RALYL: variants seen among roughly 807,000 people sequenced by gnomAD.
RALYL encodes the protein RALY RNA binding protein like, also known as RNA-binding Raly-like protein.
Under a neutral mutation model 35.1 loss-of-function variants are expected in RALYL, and 29 were observed. The ratio of observed to expected loss-of-function variants is 0.83; its 90% CI spans 0.61 to 1.13. RALYL has a LOEUF of 1.13. RALYL is among the 50% of genes most tolerant of loss of function. The pLI is 0.00. For missense variants in RALYL, 359 were observed against 360.4 expected (o/e 1.00, Z 0.03); for synonymous variants, 120 against 127.6 (o/e 0.94, Z 0.40).
At chr8:84,252,632 C>T (rs1415032532) in intron 1 of RALYL, among the ~76,000 whole-genome samples, 2 of 152,068 alleles carry the variant, frequency 1.3e-5, no homozygotes, top group Admixed American at 6.6e-5. Context: ...ACATTGCTTG[C>T]GTGATCTTTA....
chr8:84,751,343 G>T (rs753163922), intron 2 of RALYL, among the ~76,000 whole-genome samples: 10 of 152,054 alleles, frequency 6.6e-5, no homozygotes, highest in Non-Finnish European at 1.2e-4. Flanking sequence ...AAGTAGCTGG[G>T]ATTATATGCA....
intron 1 of RALYL, among the ~76,000 whole-genome samples, chr8:84,334,568 T>G (rs997671912): frequency 2.0e-5 from 3 of 151,630 alleles, no homozygotes; most frequent in Non-Finnish European, 2.9e-5. Flanking sequence ...TAACTTAACA[T>G]TTAATATTAT....
chr8:84,688,850 T>C (rs1040262444), intron 2 of RALYL, among the ~76,000 whole-genome samples: 14 of 151,964 alleles, frequency 9.2e-5, no homozygotes, highest in African/African-American at 3.4e-4. Context: ...ATATCTAAAA[T>C]ACGTAAGAAA....
At chr8:84,597,160 T>TTTTCTAA (rs1260017143) in intron 2 of RALYL, among the ~76,000 whole-genome samples, 1 of 152,144 alleles carries the variant, frequency 6.6e-6, no homozygotes, top group Admixed American at 6.5e-5. Flanking sequence ...AGGCAGAAGT[T>TTTTCTAA]TTTCTAAAGT....
At chr8:84,338,973 A>G (rs1848302758) in intron 1 of RALYL, among the ~76,000 whole-genome samples, 1 of 152,122 alleles carries the variant, frequency 6.6e-6, no homozygotes, top group African/African-American at 2.4e-5. Flanking sequence ...TTATAAAGGC[A>G]TAAATAAGTT....
chr8:84,831,676 G>A (rs1245073868), intron 4 of RALYL, among the ~76,000 whole-genome samples: 1 of 152,084 alleles, frequency 6.6e-6, no homozygotes, highest in Non-Finnish European at 1.5e-5. Flanking sequence ...GTAAAATAGT[G>A]ATGAGATTTT....
At position 84,679,752 on chromosome 8, in the gene RALYL, T is replaced by C. The variant is rs149752708; in HGVS notation, c.257-94827T>C. ...TGCTGATGGCCACTAACAGACCTGA[T>C]ACTTTGGATTCAGCACTGATGAAGC... is the stretch of plus-strand genomic sequence containing the variant. On this transcript the variant is annotated intron_variant, in intron 2 of 8. Coordinates refer to ENST00000521268, the MANE Select transcript of RALYL (RefSeq NM_173848.7). The C allele has an allele frequency of 4.5e-3, 2,347 of 522,690 alleles. 17 individuals carry two copies. The highest frequency in any genetic ancestry group is 6.4e-3 in the Non-Finnish European group (1,650 of 257,980). 32.4% of individuals were successfully genotyped at this position (522,690 alleles called of 1,614,324 possible). A position where few individuals can be genotyped will look rare whatever the true frequency, so the allele number is the denominator to read the frequency against.
intron 2 of RALYL, among the ~76,000 whole-genome samples, chr8:84,554,956 T>TA (rs2060992940): frequency 6.6e-6 from 1 of 152,088 alleles, no homozygotes; most frequent in African/African-American, 2.4e-5. Context: ...ACTCTTTTTT[T>TA]ACCTTTATAT....
intron 1 of RALYL, among the ~76,000 whole-genome samples, chr8:84,447,164 G>A (rs1337592608): frequency 1.3e-5 from 2 of 151,820 alleles, no homozygotes; most frequent in East Asian, 2.0e-4. Context: ...TAACATATCC[G>A]GGACTGTTTT....
chr8:84,555,052 G>A (rs998679042), intron 2 of RALYL, among the ~76,000 whole-genome samples: 7 of 152,040 alleles, frequency 4.6e-5, no homozygotes, highest in South Asian at 2.1e-4. Flanking sequence ...AGGCTAAGGC[G>A]GGCAGATCAC....
chr8:84,747,652 CAAAT>C (rs1808931779), intron 2 of RALYL, among the ~76,000 whole-genome samples: 1 of 151,806 alleles, frequency 6.6e-6, no homozygotes, highest in South Asian at 2.1e-4. Context: ...TCAGATAACT[CAAAT>C]AAACTAAAGC....
intron 2 of RALYL, among the ~76,000 whole-genome samples, chr8:84,729,823 G>C: frequency 6.6e-6 from 1 of 152,058 alleles, no homozygotes; most frequent in Non-Finnish European, 1.5e-5. Context: ...ACTCTCCCAA[G>C]ACTAAACCAG....
At chr8:84,641,247 A>T (rs929316086) in intron 2 of RALYL, among the ~76,000 whole-genome samples, 2 of 151,636 alleles carry the variant, frequency 1.3e-5, no homozygotes, top group African/African-American at 2.4e-5. Flanking sequence ...ATAACCTCCA[A>T]ATTATATAAA....
chr8:84,687,666 ACTT>A (rs1837098846), intron 2 of RALYL, among the ~76,000 whole-genome samples: 1 of 152,112 alleles, frequency 6.6e-6, no homozygotes, highest in Admixed American at 6.6e-5. Flanking sequence ...TATTCAAACT[ACTT>A]GTAGTACACT....
At chr8:84,283,888 T>C (rs1480153673) in intron 1 of RALYL, among the ~76,000 whole-genome samples, 6 of 152,000 alleles carry the variant, frequency 3.9e-5, no homozygotes, top group Admixed American at 3.9e-4. Context: ...TTCCCAGAAG[T>C]GAATACATAT....
At chr8:84,823,617 C>G (rs1467427899) in intron 4 of RALYL, among the ~76,000 whole-genome samples, 1 of 152,076 alleles carries the variant, frequency 6.6e-6, no homozygotes, top group African/African-American at 2.4e-5. Context: ...TTCCCTCTCC[C>G]TTTCTCACCC....
chr8:84,673,269 G>T (rs1243272931), intron 2 of RALYL, among the ~76,000 whole-genome samples: 1 of 152,116 alleles, frequency 6.6e-6, no homozygotes, highest in East Asian at 1.9e-4. Flanking sequence ...CTGAATATTA[G>T]ACCTTTGTCA....
chr8:84,222,800 G>GA (rs900437757), intron 1 of RALYL, among the ~76,000 whole-genome samples: 2 of 152,108 alleles, frequency 1.3e-5, no homozygotes, highest in African/African-American at 4.8e-5. Context: ...AGGAGTGGGG[G>GA]AAAAATGCTA....
chr8:84,870,081 C>T (rs541971773), intron 6 of RALYL, among the ~76,000 whole-genome samples: 2 of 152,160 alleles, frequency 1.3e-5, no homozygotes, highest in African/African-American at 4.8e-5. Flanking sequence ...TTCTTCTTGC[C>T]TAAAAATAAG....
Sources: gnomAD v4.1 joint callset for allele counts (sites outside exome capture counted in the v4.1 genomes callset) on GRCh38, gnomAD v4.1.1 for gene constraint, MANE v1.5 for transcripts, NCBI Gene and HGNC (gene_info 2026-07-23, HGNC 2026-07-21) for gene names.